The following CTNNA2 variants were observed in gnomAD, a reference collection of about 807,000 sequenced individuals.
CTNNA2 encodes the protein catenin alpha 2.
A neutral mutation model predicts 101.0 loss-of-function variants in CTNNA2; 42 were observed. The observed-to-expected ratio is 0.42, with a 90% confidence interval of 0.32 to 0.54. The LOEUF is 0.54. CTNNA2 is among the 20% of genes least tolerant of loss of function. The pLI is 0.14. For missense variants in CTNNA2, 871 were observed against 1,223.1 expected (o/e 0.71, Z 4.29); for synonymous variants, 450 against 456.4 (o/e 0.99, Z 0.18).
At chr2:79,586,130 C>T (rs1178323107) in intron 1 of CTNNA2, among the ~76,000 whole-genome samples, 2 of 152,070 alleles carry the variant, frequency 1.3e-5, no homozygotes, top group Admixed American at 6.5e-5. Flanking sequence ...ATCCTGTACT[C>T]CTCCTTTCTC....
intron 1 of CTNNA2, among the ~76,000 whole-genome samples, chr2:79,533,891 C>A (rs1475628355): frequency 1.3e-5 from 2 of 152,118 alleles, no homozygotes; most frequent in African/African-American, 4.8e-5. Flanking sequence ...GGCACAAAAT[C>A]TCTCTACCAA....
At chr2:80,521,121 C>T (rs552607812) in intron 9 of CTNNA2, among the ~76,000 whole-genome samples, 101 of 152,260 alleles carry the variant, frequency 6.6e-4, no homozygotes, top group African/African-American at 2.3e-3. Flanking sequence ...GTGCTGGGGC[C>T]GCGTCCCTGT....
intron 9 of CTNNA2, among the ~76,000 whole-genome samples, chr2:80,450,480 T>C (rs923171468): frequency 2.0e-5 from 3 of 152,172 alleles, no homozygotes; most frequent in South Asian, 4.1e-4. Flanking sequence ...TAACCTGTTG[T>C]AATTTAACCC....
At chr2:80,630,576 G>A (rs752168095) in intron 18 of CTNNA2, among the ~76,000 whole-genome samples, 11 of 152,174 alleles carry the variant, frequency 7.2e-5, no homozygotes, top group South Asian at 2.1e-4. Flanking sequence ...GGTGGAGGTT[G>A]CAGTGAGCCG....
In CTNNA2 at chr2:79,414,261, C is replaced by T. The variant is rs527964395; in HGVS notation, c.-135+40248C>T. On this transcript the variant is annotated intron_variant, in intron 4 of 21. Transcript: ENST00000466387. Reference sequence around the variant, plus strand: ...GAGTTACAATCTAAGGCTAGTTTTACGACTAATAAATTCTACATTCTAAGA... The same window carrying T: ...GAGTTACAATCTAAGGCTAGTTTTATGACTAATAAATTCTACATTCTAAGA... Among the ~76,000 whole-genome samples the T allele has an allele frequency of 1.2e-3, 178 of 151,816 alleles. 4 individuals carry two copies. The South Asian group carries it at 0.031, about 26-fold the overall frequency.
intron 2 of CTNNA2, among the ~76,000 whole-genome samples, chr2:79,675,555 G>T (rs745517349): frequency 6.6e-6 from 1 of 152,040 alleles, no homozygotes; most frequent in African/African-American, 2.4e-5. Context: ...TGCACAGAAC[G>T]CAGTTTTAAC....
intron 2 of CTNNA2, among the ~76,000 whole-genome samples, chr2:79,666,037 C>T (rs777008378): frequency 4.6e-5 from 7 of 152,214 alleles, no homozygotes; most frequent in Middle Eastern, 3.4e-3. Flanking sequence ...TTTTTATCCC[C>T]GAGGGGAATT....
chr2:79,794,492 AC>A (rs1327745961), intron 3 of CTNNA2, among the ~76,000 whole-genome samples: 1 of 152,160 alleles, frequency 6.6e-6, no homozygotes, highest in Non-Finnish European at 1.5e-5. Context: ...AGAAACTATT[AC>A]CACCATGAAG....
chr2:80,060,650 G>C (rs1425662895), intron 7 of CTNNA2, among the ~76,000 whole-genome samples: 2 of 152,046 alleles, frequency 1.3e-5, no homozygotes, highest in Admixed American at 6.5e-5. Flanking sequence ...CCTGGACCTT[G>C]TTCTTACAGT....
intron 7 of CTNNA2, among the ~76,000 whole-genome samples, chr2:80,003,740 A>G (rs1400451862): frequency 2.6e-5 from 4 of 152,228 alleles, no homozygotes; most frequent in South Asian, 4.1e-4. Context: ...AGATGTGGTC[A>G]TCAAATCCTG....
At chr2:79,867,715 A>T (rs1219939841) in intron 4 of CTNNA2, among the ~76,000 whole-genome samples, 2 of 152,180 alleles carry the variant, frequency 1.3e-5, no homozygotes, top group African/African-American at 4.8e-5. Context: ...TAACACCGTA[A>T]AATAAGTATT....
At chr2:79,440,281 T>C (rs1035644119) in intron 4 of CTNNA2, among the ~76,000 whole-genome samples, 1 of 152,112 alleles carries the variant, frequency 6.6e-6, no homozygotes, top group South Asian at 2.1e-4. Flanking sequence ...GAAGTGGATA[T>C]GGCAGTAACG....
intron 7 of CTNNA2, among the ~76,000 whole-genome samples, chr2:80,171,381 G>C (rs553039027): frequency 5.9e-5 from 9 of 152,340 alleles, no homozygotes; most frequent in African/African-American, 2.2e-4. Flanking sequence ...AAGCAGAATG[G>C]AGCTGGCAGG....
chr2:80,433,563 A>G (rs1681746060), intron 9 of CTNNA2, among the ~76,000 whole-genome samples: 1 of 152,128 alleles, frequency 6.6e-6, no homozygotes, highest in East Asian at 2.0e-4. Flanking sequence ...GAGAGTTCAT[A>G]TGTTGGAGGA....
chr2:80,631,894 T>C (rs1403053829), intron 18 of CTNNA2, among the ~76,000 whole-genome samples: 1 of 152,096 alleles, frequency 6.6e-6, no homozygotes, highest in Non-Finnish European at 1.5e-5. Context: ...TTGTTGTTGT[T>C]GTTGAGAATT....
At chr2:80,260,058 A>T (rs144432341) in intron 7 of CTNNA2, among the ~76,000 whole-genome samples, 1 of 152,200 alleles carries the variant, frequency 6.6e-6, no homozygotes, top group African/African-American at 2.4e-5. Context: ...ACAGTAATCC[A>T]ATGAGCTTGG....
intron 7 of CTNNA2, among the ~76,000 whole-genome samples, chr2:79,980,671 C>G (rs1691202850): frequency 6.6e-6 from 1 of 151,988 alleles, no homozygotes; most frequent in Non-Finnish European, 1.5e-5. Context: ...GAGCAAAGGG[C>G]TATAGTGTGA....
chr2:79,751,796 A>G (rs551914765), intron 3 of CTNNA2, among the ~76,000 whole-genome samples: 76 of 152,158 alleles, frequency 5.0e-4, no homozygotes, highest in Admixed American at 2.0e-3. Flanking sequence ...AAACCTGACT[A>G]AATTAGAGAA....
chr2:80,229,251 A>G (rs1709059210), intron 7 of CTNNA2, among the ~76,000 whole-genome samples: 1 of 152,168 alleles, frequency 6.6e-6, no homozygotes, highest in South Asian at 2.1e-4. Flanking sequence ...ATTAAACTCA[A>G]TTCTGGTGCT....
Sources: allele counts gnomAD v4.1 joint callset (sites outside exome capture counted in the v4.1 genomes callset), GRCh38; gene constraint gnomAD v4.1.1; transcripts MANE v1.5; gene names NCBI Gene and HGNC (gene_info 2026-07-23, HGNC 2026-07-21).